ABCC2: variants seen among roughly 807,000 people sequenced by gnomAD.
ABCC2 encodes ATP-binding cassette sub-family C member 2.
A neutral mutation model predicts 173.4 loss-of-function variants in ABCC2; 157 were observed. That is an observed-to-expected ratio of 0.91 (90% confidence interval 0.80 to 1.03). ABCC2 has a LOEUF of 1.03. ABCC2 is among the 50% of genes least tolerant of loss of function. The pLI, the probability that ABCC2 is intolerant of heterozygous loss-of-function variation, is 0.00. For synonymous variants in ABCC2, 657 were observed against 693.5 expected (o/e 0.95, Z 0.83); for missense variants, 1,822 against 1,852.3 (o/e 0.98, Z 0.30).
chr10:99,832,431 T>C (rs1342834854), intron 23 of ABCC2, among the ~76,000 whole-genome samples: 2 of 151,376 alleles, frequency 1.3e-5, no homozygotes, highest in Non-Finnish European at 2.9e-5. Context: ...GGTCTGGGAG[T>C]ACAAAGGAAA....
rs2133160051 is a variant in ABCC2 at position 99,851,613 on chromosome 10, G to A, written c.4620G>A (p.Val1540=). 6.2e-7 allele frequency: 1 copy of A among 1,614,118 alleles called. No individual in the cohort carries two copies. The highest frequency in any genetic ancestry group is 8.5e-7 in the Non-Finnish European group (1 of 1,180,010). The change falls in exon 32 of 32, where the codon GTG becomes GTA. Residue 1540 remains valine (V), a synonymous_variant. Transcript: ENST00000647814. ...CTAAGGAAGCTGGCATTGAGAATGT[G>A]AACAGCACAAAATTCTAGCAGAAGG... ...FMAKEAGIEN[V]NSTKF
In ABCC2 at chr10:99,834,398, G is replaced by C. The variant is rs1036772767; in HGVS notation, c.3277G>C (p.Asp1093His). 5 of 1,614,136 alleles carry C rather than the reference G, an allele frequency of 3.1e-6. No homozygotes were observed. Among genetic ancestry groups the C allele is most frequent in the Non-Finnish European group, 4.2e-6 (5 of 1,180,032 alleles). Reference sequence around the variant, plus strand: ...TTCCTAGGATATTTCCACAGTGGATGACACCCTGCCTCAGTCCTTGCGCAG... The same window carrying C: ...TTCCTAGGATATTTCCACAGTGGATCACACCCTGCCTCAGTCCTTGCGCAG... ...RFAGDISTVD[D>H]TLPQSLRSWI... The change falls in exon 24 of 32, where the codon GAC becomes CAC. Residue 1093 changes from aspartate (D) to histidine (H), a missense_variant. Physicochemically the swap from Asp to His is moderately conservative, Grantham distance 81. Transcript: ENST00000647814.
intron 2 of ABCC2, among the ~76,000 whole-genome samples, chr10:99,785,079 G>T (rs1260133534): frequency 6.6e-6 from 1 of 152,136 alleles, no homozygotes; most frequent in African/African-American, 2.4e-5. Flanking sequence ...ATGAACACTG[G>T]ATCACCTGTC....
At chr10:99,834,265 T>C (rs917464677) in intron 23 of ABCC2, 115 bp from the exon 24 acceptor site, 1 of 1,041,210 alleles carries the variant, frequency 9.6e-7, no homozygotes, top group African/African-American at 1.6e-5. Context: ...AATGATTACA[T>C]GAAGGAGTAC....
At chr10:99,827,974 G>T (rs76805110) in intron 19 of ABCC2, among the ~76,000 whole-genome samples, 1 of 20 alleles carries the variant, frequency 0.05, no homozygotes, top group Non-Finnish European at 0.12. Flanking sequence ...GGGGTGGGTT[G>T]CCCCTCCACA....
chr10:99,834,855 C>A (rs952654507), intron 24 of ABCC2, among the ~76,000 whole-genome samples: 1 of 152,228 alleles, frequency 6.6e-6, no homozygotes, highest in Non-Finnish European at 1.5e-5. Context: ...CACAGTCTTG[C>A]AGCTCCATAA....
chr10:99,830,482 T>C (rs776033706), intron 20 of ABCC2, 49 bp downstream of exon 20: 3 of 1,613,798 alleles, frequency 1.9e-6, no homozygotes, highest in South Asian at 1.1e-5. Flanking sequence ...ATATTTCCAC[T>C]TGATCTTTTT....
intron 23 of ABCC2, 124 bp from the exon 24 acceptor site, chr10:99,834,256 A>G: frequency 2.0e-6 from 2 of 978,402 alleles, no homozygotes; most frequent in Non-Finnish European, 3.2e-6. Context: ...ACACAATGAA[A>G]TGATTACATG....
intron 16 of ABCC2, among the ~76,000 whole-genome samples, chr10:99,815,616 C>T (rs373248481): frequency 2.9e-3 from 436 of 152,218 alleles, no homozygotes; most frequent in African/African-American, 9.5e-3. Flanking sequence ...GTTATCACTA[C>T]TTGTACCAAA....
At chr10:99,821,558 T>G (rs1392323847) in intron 19 of ABCC2, among the ~76,000 whole-genome samples, 1 of 152,182 alleles carries the variant, frequency 6.6e-6, no homozygotes, top group African/African-American at 2.4e-5. Flanking sequence ...TGGTGATGAC[T>G]CTTAACGAGC....
At chr10:99,845,414 A>T (rs2039002522) in intron 28 of ABCC2, among the ~76,000 whole-genome samples, 1 of 152,176 alleles carries the variant, frequency 6.6e-6, no homozygotes, top group African/African-American at 2.4e-5. Context: ...TCAAACAGTG[A>T]CTATAGTTCT....
In ABCC2 at chr10:99,797,258, C is replaced by A; in HGVS notation, c.794C>A (p.Ser265Tyr). ...RALQRRQEKS[S>Y]QQNSGARLPG... ...CTCCAGAGACGGCAGGAGAAGAGCT[C>A]CCAGCAGAACTCTGGAGCCAGGCTG... Residue 265 changes from serine to tyrosine, a missense_variant, in exon 7 of 32, where the codon TCC (serine) becomes TAC (tyrosine). Physicochemically the swap from Ser to Tyr is moderately radical, Grantham distance 144. Transcript: ENST00000647814. 1 of 1,614,038 alleles carries A rather than the reference C, an allele frequency of 6.2e-7. No homozygotes were observed. Among genetic ancestry groups the A allele is most frequent in the Non-Finnish European group, 8.5e-7 (1 of 1,179,956 alleles).
chr10:99,826,326 C>A (rs564301065), intron 19 of ABCC2, among the ~76,000 whole-genome samples: 1 of 152,128 alleles, frequency 6.6e-6, no homozygotes, highest in Admixed American at 6.5e-5. Context: ...GGGAACCTTT[C>A]CTTTTAATGG....
rs377593832 is a variant in ABCC2, at chr10:99,841,967, G to A, written c.3615G>A (p.Arg1205=). Residue 1205 remains arginine, a splice_region_variant and synonymous_variant, in exon 26 of 32, where the codon AGG becomes AGA. Coordinates refer to ENST00000647814, the MANE Select transcript of ABCC2 (RefSeq NM_000392.5). ...ACTCTCTGGTTCTGTTGCCCCACAG[G>A]TGGCTTGCAATTCGCCTGGAGCTGG... is the stretch of plus-strand genomic sequence containing the variant. ...KCVFSWITSN[R]WLAIRLELVG... is the part of the protein sequence containing the mutation. The A allele has an allele frequency of 2.1e-5, 34 of 1,614,172 alleles. No individual in the cohort carries two copies. Among genetic ancestry groups the A allele is most frequent in the Non-Finnish European group, 2.5e-5 (30 of 1,180,018 alleles).
At chr10:99,810,306 TGAGA>T (rs1362691095) in intron 14 of ABCC2, 88 bp downstream of exon 14, 2 of 969,188 alleles carry the variant, frequency 2.1e-6, no homozygotes, top group Admixed American at 3.8e-5. Flanking sequence ...AGCAGCAAAC[TGAGA>T]GAGAGTGTGG....
At chr10:99,848,149 G>A (rs965703231) in intron 30 of ABCC2, among the ~76,000 whole-genome samples, 3 of 152,140 alleles carry the variant, frequency 2.0e-5, no homozygotes, top group African/African-American at 4.8e-5. Context: ...TAAGGGCATC[G>A]CAGTTAAAGA....
At chr10:99,834,292 C>A in intron 23 of ABCC2, 88 bp from the exon 24 acceptor site, 1 of 1,359,478 alleles carries the variant, frequency 7.4e-7, no homozygotes, top group Non-Finnish European at 1.0e-6. Flanking sequence ...CACACAGAAT[C>A]CAACAGATTC....
Position 99,814,178 on chromosome 10 carries a change from T to C in ABCC2, c.2094+1034T>C, listed in dbSNP as rs372574453. On this transcript the variant is annotated intron_variant, in intron 16 of 31. Transcript: ENST00000647814. ...GTATACACACGTATATATACACACA[T>C]GTATGTATACACACATGTGTATATA... Among the ~76,000 whole-genome samples, 56 of 76,914 alleles carry C rather than the reference T, an allele frequency of 7.3e-4. 10 individuals carry two copies. Among genetic ancestry groups the C allele is most frequent in the South Asian group, 1.3e-3 (4 of 3,030 alleles). The allele number at this position is 76,914 out of a possible 152,430, so 50.5% of individuals were successfully genotyped here.
At chr10:99,816,417 G>A (rs1321117602) in intron 16 of ABCC2, among the ~76,000 whole-genome samples, 4 of 152,102 alleles carry the variant, frequency 2.6e-5, no homozygotes, top group Non-Finnish European at 4.4e-5. Flanking sequence ...CCGAGTAGCT[G>A]GGATTACAGA....
Sources: gnomAD v4.1 joint callset for allele counts (sites outside exome capture counted in the v4.1 genomes callset) on GRCh38, gnomAD v4.1.1 for gene constraint, MANE v1.5 for transcripts, NCBI Gene and HGNC (gene_info 2026-07-23, HGNC 2026-07-21) for gene names.